The following SNTG1 variants were observed in gnomAD, a reference collection of about 807,000 sequenced individuals.
The protein encoded by SNTG1 is syntrophin gamma 1.
SNTG1 carries 39 observed loss-of-function variants against 74.7 expected under a neutral mutation model. The observed-to-expected ratio is 0.52, with a 90% CI of 0.40 to 0.68. The LOEUF (loss-of-function observed/expected upper bound fraction) is 0.68. Among genes scored for constraint, SNTG1 ranks in the 30% least tolerant of loss-of-function variants. SNTG1 has a pLI of 0.00. For missense variants in SNTG1, 685 were observed against 609.5 expected (o/e 1.12, Z -1.30); for synonymous variants, 254 against 217.1 (o/e 1.17, Z -1.49).
intron 2 of SNTG1, among the ~76,000 whole-genome samples, chr8:50,300,896 G>T (rs1056632231): frequency 2.0e-5 from 3 of 152,074 alleles, no homozygotes; most frequent in African/African-American, 7.2e-5. Flanking sequence ...ACATCCTTCT[G>T]CTGCCTTCTG....
intron 2 of SNTG1, among the ~76,000 whole-genome samples, chr8:50,368,424 T>G (rs2092177753): frequency 6.6e-6 from 1 of 152,102 alleles, no homozygotes; most frequent in Non-Finnish European, 1.5e-5. Context: ...ACAAGGAGAT[T>G]TAGAAATTTC....
intron 2 of SNTG1, among the ~76,000 whole-genome samples, chr8:50,368,891 C>T (rs934724369): frequency 1.3e-5 from 2 of 152,120 alleles, no homozygotes; most frequent in Non-Finnish European, 2.9e-5. Context: ...TATCCTATGC[C>T]TCTCCCATTA....
At chr8:50,232,166 C>A (rs1586783731) in intron 2 of SNTG1, among the ~76,000 whole-genome samples, 1 of 151,192 alleles carries the variant, frequency 6.6e-6, no homozygotes, top group African/African-American at 2.4e-5. Flanking sequence ...AACTACAGAG[C>A]AATATGTCTT....
chr8:50,541,110 A>G (rs1379852382), intron 11 of SNTG1, among the ~76,000 whole-genome samples: 1 of 152,052 alleles, frequency 6.6e-6, no homozygotes, highest in Admixed American at 6.6e-5. Context: ...AAAAAATTGA[A>G]TATTCACGTG....
chr8:50,362,159 G>T (rs2131077648), intron 2 of SNTG1, among the ~76,000 whole-genome samples: 1 of 152,240 alleles, frequency 6.6e-6, no homozygotes, highest in Admixed American at 6.5e-5. Context: ...GTAAGCCAGG[G>T]AAGGGCTTGC....
intron 12 of SNTG1, among the ~76,000 whole-genome samples, chr8:50,572,245 T>A (rs1357665168): frequency 1.5e-5 from 2 of 135,876 alleles, no homozygotes; most frequent in Non-Finnish European, 3.1e-5. Context: ...TATGTTTGTT[T>A]CTATCACCTA....
At chr8:50,210,384 A>G (rs968146818) in intron 2 of SNTG1, among the ~76,000 whole-genome samples, 3 of 152,186 alleles carry the variant, frequency 2.0e-5, no homozygotes, top group Admixed American at 6.5e-5. Context: ...AGAACTCCAC[A>G]AAGATATTCC....
chr8:50,577,173 T>A (rs1361248166), intron 12 of SNTG1, among the ~76,000 whole-genome samples: 2 of 152,176 alleles, frequency 1.3e-5, no homozygotes, highest in African/African-American at 4.8e-5. Context: ...GTGGAGTGTG[T>A]TTATCATAAA....
intron 15 of SNTG1, 81 bp downstream of exon 15, chr8:50,658,744 A>G (rs1460318687): frequency 1.2e-5 from 10 of 857,518 alleles, no homozygotes; most frequent in Admixed American, 2.5e-5. Flanking sequence ...GCTCATGAAA[A>G]CAAATCATTC....
chr8:50,657,794 T>A (rs2095192982), intron 14 of SNTG1, among the ~76,000 whole-genome samples: 1 of 152,130 alleles, frequency 6.6e-6, no homozygotes, highest in Non-Finnish European at 1.5e-5. Context: ...TATATCCTAG[T>A]TATTGAGATT....
At chr8:50,014,453 AC>A (rs1380419484) in intron 1 of SNTG1, among the ~76,000 whole-genome samples, 3 of 103,066 alleles carry the variant, frequency 2.9e-5, no homozygotes, top group Non-Finnish European at 5.0e-5. Context: ...TAAGATCTAC[AC>A]AATGATAAGG....
intron 1 of SNTG1, among the ~76,000 whole-genome samples, chr8:50,134,243 G>A (rs551106186): frequency 6.6e-6 from 1 of 152,258 alleles, no homozygotes; most frequent in East Asian, 1.9e-4. Context: ...CATGGCATAG[G>A]TTATAGCAAG....
At chr8:50,692,736 C>T (rs190540308) in intron 15 of SNTG1, among the ~76,000 whole-genome samples, 1 of 152,318 alleles carries the variant, frequency 6.6e-6, no homozygotes, top group East Asian at 1.9e-4. Flanking sequence ...GTTCTCAGAT[C>T]TCAAGCTGCA....
intron 2 of SNTG1, among the ~76,000 whole-genome samples, chr8:50,298,641 A>G (rs1047182168): frequency 2.0e-5 from 3 of 152,156 alleles, no homozygotes; most frequent in Non-Finnish European, 4.4e-5. Context: ...AATAAAGATG[A>G]ATATTAAAAA....
chr8:50,637,430 C>T (rs2095046182), intron 13 of SNTG1, among the ~76,000 whole-genome samples: 1 of 151,906 alleles, frequency 6.6e-6, no homozygotes, highest in Non-Finnish European at 1.5e-5. Flanking sequence ...TTTGAAGGTT[C>T]TAGTATGCCC....
At chr8:49,918,285 A>G (rs978268134) in intron 1 of SNTG1, among the ~76,000 whole-genome samples, 1 of 152,200 alleles carries the variant, frequency 6.6e-6, no homozygotes, top group Non-Finnish European at 1.5e-5. Flanking sequence ...CATAGAACAA[A>G]TAGGAATGAA....
intron 18 of SNTG1, among the ~76,000 whole-genome samples, chr8:50,781,640 G>A (rs138513428): frequency 0.097 from 14,763 of 152,012 alleles, 779 homozygotes; most frequent in Middle Eastern, 0.13. Flanking sequence ...CACATTGGTG[G>A]GTCTTGACTG....
intron 1 of SNTG1, among the ~76,000 whole-genome samples, chr8:50,119,383 G>A (rs1375278750): frequency 7.1e-6 from 1 of 140,530 alleles, no homozygotes; most frequent in Non-Finnish European, 1.6e-5. Context: ...GTGCTCAGAG[G>A]AGTCCTATGG....
intron 8 of SNTG1, among the ~76,000 whole-genome samples, chr8:50,501,787 C>T (rs972043629): frequency 3.3e-5 from 5 of 151,822 alleles, no homozygotes; most frequent in African/African-American, 1.2e-4. Context: ...GGCCAGAAGT[C>T]ATTCTAAATT....
Sources: gnomAD v4.1 joint callset for allele counts (sites outside exome capture counted in the v4.1 genomes callset) on GRCh38, gnomAD v4.1.1 for gene constraint, MANE v1.5 for transcripts, NCBI Gene and HGNC (gene_info 2026-07-23, HGNC 2026-07-21) for gene names.